Variants in RBP5 observed in about 807,000 individuals in gnomAD.
RBP5 encodes the protein retinol binding protein 5, also known as retinol-binding protein 5.
In RBP5, 12 loss-of-function variants were observed where a neutral mutation model predicts 17.8. That is an observed-to-expected ratio of 0.67 (90% CI 0.43 to 1.09). The LOEUF is 1.09. RBP5 is among the 50% of genes least tolerant of loss of function. The pLI is 0.00. For synonymous variants in RBP5, 64 were observed against 68.1 expected, an observed-to-expected ratio of 0.94 and a Z score of 0.30; for missense variants, 172 against 169.4, an observed-to-expected ratio of 1.02 and a Z score of -0.09.
intron 2 of RBP5, among the ~76,000 whole-genome samples, chr12:7,126,510 G>GGTGGTGTGT (rs751535528): frequency 2.9e-3 from 386 of 131,048 alleles, no homozygotes; most frequent in Non-Finnish European, 3.9e-3. Flanking sequence ...TGGTGGTGGT[G>GGTGGTGTGT]GTGTGTGTGT....
chr12:7,129,378 C>T (rs1456505495), upstream of RBP5: 2 of 164,470 alleles, frequency 1.2e-5, no homozygotes, highest in Non-Finnish European at 2.7e-5. This position sits in a 1 kb window ranked among gnomAD's most constrained non-coding sequence, Gnocchi z 5.5. Flanking sequence ...CTCAGAGCTC[C>T]CTCAGGTAGT....
At chr12:7,126,866 C>CA (rs1351526511) in intron 2 of RBP5, among the ~76,000 whole-genome samples, 1 of 152,134 alleles carries the variant, frequency 6.6e-6, no homozygotes, top group African/African-American at 2.4e-5. Flanking sequence ...AATGCAATGG[C>CA]ATGATCTTGG....
chr12:7,121,469 G>A (rs1007556910), downstream of RBP5, among the ~76,000 whole-genome samples: 14 of 152,186 alleles, frequency 9.2e-5, no homozygotes, highest in Admixed American at 4.6e-4. Context: ...GCCTGGGCAC[G>A]TAGGCGTCAG....
At chr12:7,118,622 A>G (rs944269526) in intron 3 of RBP5, 6 of 152,214 alleles carry the variant, frequency 3.9e-5, no homozygotes, top group Admixed American at 3.3e-4. Context: ...TGCAAGACAG[A>G]ATCGTGTGGG....
At chr12:7,120,883 G>T (rs925125735), downstream of RBP5, 1 of 151,934 alleles carries the variant, frequency 6.6e-6, no homozygotes, top group Admixed American at 6.6e-5. Context: ...AAAAAATTAC[G>T]TGGGCCTGGT....
At chr12:7,122,288 T>G (rs1301175767), downstream of RBP5, 1 of 152,228 alleles carries the variant, frequency 6.6e-6, no homozygotes, top group Non-Finnish European at 1.5e-5. Flanking sequence ...AGCTGCATAG[T>G]CCTCCCCTGA....
In RBP5 at chr12:7,128,615, G is replaced by A. The variant is rs766101667; in HGVS notation, c.73+88C>T. 404 of 1,328,012 alleles carry A rather than the reference G, an allele frequency of 3.0e-4. No homozygotes were observed. The highest frequency in any genetic ancestry group is 2.3e-4 in the Middle Eastern group (1 of 4,430). The allele number at this position is 1,328,012 out of a possible 1,614,324, so 82.3% of individuals were successfully genotyped here. ...AGCCTTTCCACAGTGTCCAACCCCG[G>A]GCATTCCCTCTTCTCCATGGGACCA... On this transcript the variant is annotated intron_variant, in intron 1 of 3. Coordinates refer to ENST00000266560, the MANE Select transcript of RBP5 (RefSeq NM_031491.4). The surrounding 1 kb of genome is among the most constrained non-coding windows in gnomAD (Gnocchi z 5.3).
At chr12:7,127,760 A>T (rs1939199346) in intron 2 of RBP5, 2 of 699,374 alleles carry the variant, frequency 2.9e-6, no homozygotes, top group African/African-American at 1.8e-5. Context: ...TAGCCTATGG[A>T]TAGTGGGCAG....
chr12:7,124,842 G>A lies in RBP5; in HGVS notation c.253-112C>T. 1 of 672,502 alleles carries A rather than the reference G, an allele frequency of 1.5e-6. No homozygotes were observed. The highest frequency in any genetic ancestry group is 1.8e-5 in the African/African-American group (1 of 56,440). The allele number at this position is 672,502 out of a possible 1,614,324, so 41.7% of individuals were successfully genotyped here. A position where few individuals can be genotyped will look rare whatever the true frequency, so the allele number is the denominator to read the frequency against. The stretch of plus-strand genomic sequence containing the variant: ...TACTCCACAGCAGATACTGTCTGCT[G>A]CAGCCCCTCCACTGAGCGAGGGAGC... On this transcript the variant is annotated intron_variant, in intron 2 of 3. Coordinates refer to ENST00000266560, the MANE Select transcript of RBP5 (RefSeq NM_031491.4). The surrounding 1 kb of genome is among the most constrained non-coding windows in gnomAD (Gnocchi z 5.3).
chr12:7,128,226 C>T lies in RBP5; in HGVS notation c.252+14G>A, dbSNP rs1939207258. 1.2e-6 allele frequency: 2 copies of T among 1,600,036 alleles called. No homozygotes were observed. On this transcript the variant is annotated intron_variant, in intron 2 of 3. Coordinates refer to ENST00000266560, the MANE Select transcript of RBP5 (RefSeq NM_031491.4). This position sits in a 1 kb window ranked among gnomAD's most constrained non-coding sequence, Gnocchi z 5.3. ...TGCCTCCTTCCGGCCACCGCCCAGC[C>T]AGGGGAAATGTACCTGGCATTTTCG...
chr12:7,124,178 G>A lies in RBP5; in HGVS notation c.355-4C>T, dbSNP rs914439734. ...CTGCATCCCTTGCAGTCAGTTCCTG[G>A]GGAGAGAGGGGAAGTGAGGGGGAGA... On this transcript the variant is annotated splice_region_variant and splice_polypyrimidine_tract_variant and intron_variant, in intron 3 of 3. Coordinates refer to ENST00000266560, the MANE Select transcript of RBP5 (RefSeq NM_031491.4). The surrounding 1 kb of genome is among the most constrained non-coding windows in gnomAD (Gnocchi z 5.3). The A allele has an allele frequency of 2.5e-6, 4 of 1,614,022 alleles. No individual in the cohort carries two copies. Among genetic ancestry groups the A allele is most frequent in the Non-Finnish European group, 3.4e-6 (4 of 1,179,980 alleles).
At chr12:7,116,139 C>T (rs1190804112) in exon 4 of RBP5, 2 of 152,186 alleles carry the variant, frequency 1.3e-5, no homozygotes, top group African/African-American at 4.8e-5. Context: ...CTGCATAAAG[C>T]CTCCTCTCAT....
chr12:7,122,447 T>C (rs772867338), downstream of RBP5: 4 of 152,190 alleles, frequency 2.6e-5, no homozygotes, highest in African/African-American at 9.7e-5. Flanking sequence ...CCACTTTAGC[T>C]TGGGTCTTAA....
In RBP5 at chr12:7,128,661, G is replaced by T; in HGVS notation, c.73+42C>A. ...GACCAAGAAGCAGGAAGGAAGAGGG[G>T]AGAAAGGGAGTGACAGGGGTCTGGG... On this transcript the variant is annotated intron_variant, in intron 1 of 3. Coordinates refer to ENST00000266560, the MANE Select transcript of RBP5 (RefSeq NM_031491.4). This position sits in a 1 kb window ranked among gnomAD's most constrained non-coding sequence, Gnocchi z 5.3. 1.3e-6 allele frequency: 2 copies of T among 1,495,744 alleles called. No individual in the cohort carries two copies. The highest frequency in any genetic ancestry group is 1.8e-6 in the Non-Finnish European group (2 of 1,091,204). 92.7% of individuals were successfully genotyped at this position (1,495,744 alleles called of 1,614,324 possible).
chr12:7,124,228 G>C lies in RBP5; in HGVS notation c.355-54C>G. 5.8e-6 allele frequency: 9 copies of C among 1,563,542 alleles called. No individual in the cohort carries two copies. The South Asian group carries it at 1.0e-4, about 17-fold the overall frequency. On this transcript the variant is annotated intron_variant, in intron 3 of 3. Transcript: ENST00000266560. This position sits in a 1 kb window ranked among gnomAD's most constrained non-coding sequence, Gnocchi z 5.3. ...AGAGAAAGAGGGCGTTTGCCAGCCA[G>C]AGCCCCTTTCTCAAGGTCCTTGACC...
chr12:7,125,848 C>T (rs1939150696), intron 2 of RBP5, among the ~76,000 whole-genome samples: 1 of 152,138 alleles, frequency 6.6e-6, no homozygotes, highest in African/African-American at 2.4e-5. Flanking sequence ...AATAGATCAT[C>T]ACTGAAAGGG....
rs972613808 is a variant in RBP5 at position 7,128,658 on chromosome 12, G to C, written c.73+45C>G. The C allele has an allele frequency of 1.3e-6, 2 of 1,482,416 alleles. No individual in the cohort carries two copies. The highest frequency in any genetic ancestry group is 1.9e-6 in the Non-Finnish European group (2 of 1,079,602). The allele number at this position is 1,482,416 out of a possible 1,614,324, so 91.8% of individuals were successfully genotyped here. On this transcript the variant is annotated intron_variant, in intron 1 of 3. Transcript: ENST00000266560. This position sits in a 1 kb window ranked among gnomAD's most constrained non-coding sequence, Gnocchi z 5.3. ...TGGGACCAAGAAGCAGGAAGGAAGA[G>C]GGGAGAAAGGGAGTGACAGGGGTCT...
chr12:7,124,051 G>T lies in RBP5; in HGVS notation c.*70C>A. On this transcript the variant is annotated 3_prime_UTR_variant, in exon 4 of 4. Transcript: ENST00000266560. This position sits in a 1 kb window ranked among gnomAD's most constrained non-coding sequence, Gnocchi z 5.3. ...GGGACAGCTGACCTGGCACAATCTG[G>T]GCTTGAAGGGGGCACAACAAGAGCG... The T allele has an allele frequency of 6.8e-7, 1 of 1,470,672 alleles. No individual in the cohort carries two copies. Among genetic ancestry groups the T allele is most frequent in the Non-Finnish European group, 9.5e-7 (1 of 1,049,652 alleles). The allele number at this position is 1,470,672 out of a possible 1,614,324, so 91.1% of individuals were successfully genotyped here. A position where few individuals can be genotyped will look rare whatever the true frequency, so the allele number is the denominator to read the frequency against.
chr12:7,116,212 G>C (rs753812850), exon 4 of RBP5: 2 of 152,356 alleles, frequency 1.3e-5, no homozygotes, highest in Admixed American at 6.5e-5. Flanking sequence ...TAGTTTCACT[G>C]TGGTGGTCCT....
Sources: gnomAD v4.1 joint callset for allele counts (sites outside exome capture counted in the v4.1 genomes callset) on GRCh38, gnomAD v4.1.1 for gene constraint, Gnocchi (gnomAD v3.1) non-coding constraint, MANE v1.5 for transcripts, NCBI Gene and HGNC (gene_info 2026-07-23, HGNC 2026-07-21) for gene names.